Variants in KIF6 observed in about 807,000 individuals in gnomAD.
KIF6 encodes the protein kinesin family member 6.
In KIF6, 106 loss-of-function variants were observed where a neutral mutation model predicts 112.7. The observed-to-expected ratio is 0.94, with a 90% CI of 0.80 to 1.11. KIF6 has a LOEUF of 1.11. Among genes scored for constraint, KIF6 ranks in the 50% least tolerant of loss-of-function variants. KIF6 has a pLI of 0.00. For missense variants in KIF6, 929 were observed against 964.0 expected (o/e 0.96, Z 0.48); for synonymous variants, 339 against 339.9 (o/e 1.00, Z 0.03).
chr6:39,688,421 C>T (rs551701885), intron 3 of KIF6, among the ~76,000 whole-genome samples: 66 of 152,182 alleles, frequency 4.3e-4, no homozygotes, highest in Non-Finnish European at 6.5e-4. Context: ...AAATATATAT[C>T]GCTGTAATGA....
intron 5 of KIF6, among the ~76,000 whole-genome samples, chr6:39,620,737 C>T (rs1783767932): frequency 6.9e-6 from 1 of 145,024 alleles, no homozygotes; most frequent in Non-Finnish European, 1.5e-5. Flanking sequence ...CTTTTGATCA[C>T]CCCTTAACAA....
chr6:39,362,807 T>G (rs1337246117), intron 16 of KIF6, among the ~76,000 whole-genome samples: 2 of 152,172 alleles, frequency 1.3e-5, no homozygotes, highest in Non-Finnish European at 2.9e-5. Flanking sequence ...CATTTCCTGT[T>G]GAGTTTCCAG....
intron 15 of KIF6, among the ~76,000 whole-genome samples, chr6:39,413,043 A>G (rs908381752): frequency 6.6e-6 from 1 of 152,024 alleles, no homozygotes; most frequent in Non-Finnish European, 1.5e-5. Context: ...TGCCATTTTT[A>G]TCATTATTTT....
chr6:39,371,913 C>T (rs1766031465), intron 16 of KIF6, among the ~76,000 whole-genome samples: 1 of 152,142 alleles, frequency 6.6e-6, no homozygotes, highest in South Asian at 2.1e-4. Flanking sequence ...TCCAAGGCCA[C>T]ATTACAGCAG....
rs1762892215 is a variant in KIF6 at position 39,335,823 on chromosome 6, C to G, written c.*709G>C. The G allele has an allele frequency of 6.6e-6, 1 of 152,374 alleles. No homozygotes were observed. The highest frequency in any genetic ancestry group is 2.1e-4 in the South Asian group (1 of 4,830). 9.4% of individuals were successfully genotyped at this position (152,374 alleles called of 1,614,324 possible). A position where few individuals can be genotyped will look rare whatever the true frequency, so the allele number is the denominator to read the frequency against. On this transcript the variant is annotated 3_prime_UTR_variant, in exon 23 of 23. Transcript: ENST00000287152. The stretch of plus-strand genomic sequence containing the variant: ...AGGCCCAAGGTACCCACACTGCCCT[C>G]TCTCAAGCTCTCAGCAGAGCCCCTG...
intron 3 of KIF6, among the ~76,000 whole-genome samples, chr6:39,704,923 G>A (rs1441520798): frequency 3.9e-5 from 6 of 152,186 alleles, no homozygotes; most frequent in Admixed American, 3.9e-4. Flanking sequence ...TGAGCATGGG[G>A]CCCTGTGTTA....
chr6:39,361,472 C>A (rs1413067817), intron 17 of KIF6, among the ~76,000 whole-genome samples: 2 of 147,304 alleles, frequency 1.4e-5, no homozygotes, highest in Non-Finnish European at 3.0e-5. Context: ...GGCACGAGAA[C>A]TGCTTGAACC....
chr6:39,358,500 C>T (rs149137519), intron 18 of KIF6, among the ~76,000 whole-genome samples: 8 of 152,352 alleles, frequency 5.3e-5, no homozygotes, highest in South Asian at 4.1e-4. Flanking sequence ...CTCTGGCTTT[C>T]GCTGTCTCTG....
intron 20 of KIF6, among the ~76,000 whole-genome samples, chr6:39,346,071 T>C (rs1335018339): frequency 5.1e-5 from 1 of 19,708 alleles, no homozygotes; most frequent in Non-Finnish European, 8.9e-5. Flanking sequence ...TCTCTCTCTC[T>C]CTCTCTCTCT....
chr6:39,714,030 CA>C (rs1789694981), intron 3 of KIF6, among the ~76,000 whole-genome samples: 1 of 152,206 alleles, frequency 6.6e-6, no homozygotes, highest in Non-Finnish European at 1.5e-5. Context: ...GATCAGAAAG[CA>C]AGCTTATGAG....
At chr6:39,507,425 A>T (rs1776483105) in intron 13 of KIF6, among the ~76,000 whole-genome samples, 1 of 152,190 alleles carries the variant, frequency 6.6e-6, no homozygotes, top group Admixed American at 6.5e-5. Context: ...GAGCTGTTGC[A>T]GGCAGATGCA....
chr6:39,664,084 T>C (rs544690268), intron 3 of KIF6, among the ~76,000 whole-genome samples: 1 of 152,286 alleles, frequency 6.6e-6, no homozygotes, highest in Admixed American at 6.5e-5. Context: ...ATAAATGCTG[T>C]ATATAATATG....
chr6:39,588,359 G>A (rs1037624941), intron 7 of KIF6, among the ~76,000 whole-genome samples: 4 of 151,952 alleles, frequency 2.6e-5, no homozygotes, highest in Admixed American at 6.6e-5. Flanking sequence ...GATTACAGGC[G>A]TGCACCACCA....
intron 13 of KIF6, among the ~76,000 whole-genome samples, chr6:39,515,334 A>G (rs1467863794): frequency 1.3e-5 from 2 of 152,230 alleles, no homozygotes; most frequent in Non-Finnish European, 2.9e-5. Flanking sequence ...AAAGCGAGAA[A>G]TAGGAGTTGA....
chr6:39,531,033 A>G lies in KIF6; in HGVS notation c.1645+8970T>C, dbSNP rs9471121. 8.9e-4 allele frequency among the ~76,000 whole-genome samples: 135 copies of G among 152,264 alleles called. 1 individual carries two copies. The highest frequency in any genetic ancestry group is 3.0e-3 in the African/African-American group (125 of 41,560). On this transcript the variant is annotated intron_variant, in intron 13 of 22. Transcript: ENST00000287152. ...ATTTGTAGTTTTGCCAAAAAAAAAC[A>G]CATCAATCCCCAATCAATCCCTCCC...
intron 22 of KIF6, among the ~76,000 whole-genome samples, chr6:39,340,454 GGA>G (rs1763266585): frequency 6.6e-6 from 1 of 152,100 alleles, no homozygotes; most frequent in African/African-American, 2.4e-5. Flanking sequence ...GGCCCAGTGG[GGA>G]GAGAGCAGAA....
intron 15 of KIF6, among the ~76,000 whole-genome samples, chr6:39,388,429 A>G (rs764912079): frequency 2.9e-4 from 44 of 152,180 alleles, no homozygotes; most frequent in Non-Finnish European, 4.3e-4. Flanking sequence ...CCAGGGAACA[A>G]AAGGTGGGTC....
intron 19 of KIF6, among the ~76,000 whole-genome samples, chr6:39,351,842 G>A (rs961691004): frequency 6.6e-6 from 1 of 152,228 alleles, no homozygotes; most frequent in African/African-American, 2.4e-5. Context: ...TCAGCACAGA[G>A]CCAGAGCAAT....
At chr6:39,598,684 T>C (rs922778357) in intron 6 of KIF6, among the ~76,000 whole-genome samples, 1 of 152,016 alleles carries the variant, frequency 6.6e-6, no homozygotes, top group South Asian at 2.1e-4. Flanking sequence ...GCAACATTAT[T>C]AGGGTTAGCA....
Sources: gnomAD v4.1 joint callset for allele counts (sites outside exome capture counted in the v4.1 genomes callset) on GRCh38, gnomAD v4.1.1 for gene constraint, MANE v1.5 for transcripts, NCBI Gene and HGNC (gene_info 2026-07-23, HGNC 2026-07-21) for gene names.